HMGCLL1: variants seen among roughly 807,000 people sequenced by gnomAD.
HMGCLL1 encodes the protein 3-hydroxy-3-methylglutaryl-CoA lyase like 1, also known as 3-hydroxymethyl-3-methylglutaryl-CoA lyase, cytoplasmic.
In HMGCLL1, 36 loss-of-function variants were observed where a neutral mutation model predicts 39.1. The observed-to-expected ratio is 0.92, with a 90% confidence interval of 0.71 to 1.22. The LOEUF (loss-of-function observed/expected upper bound fraction) is 1.22, where lower values mean the gene tolerates loss of function less well. Among genes scored for constraint, HMGCLL1 ranks in the 50% most tolerant of loss-of-function variants. HMGCLL1 has a pLI of 0.00. For missense variants in HMGCLL1, 451 were observed against 416.5 expected (o/e 1.08, Z -0.72); for synonymous variants, 149 against 144.0 (o/e 1.03, Z -0.25).
At chr6:55,658,018 T>A in the HMGCLL1 span, among the ~76,000 whole-genome samples, 3 of 151,886 alleles carry the variant, frequency 2.0e-5, no homozygotes, top group South Asian at 6.2e-4. Context: ...GACACAAGTT[T>A]ACTTATTTAA....
At chr6:55,485,831 C>T (rs764619916) in intron 7 of HMGCLL1, among the ~76,000 whole-genome samples, 1 of 151,526 alleles carries the variant, frequency 6.6e-6, no homozygotes, top group Admixed American at 6.6e-5. Context: ...TTATATAAAC[C>T]TAGTGAGTGT....
intron 8 of HMGCLL1, among the ~76,000 whole-genome samples, chr6:55,437,796 T>C (rs1763431095): frequency 6.6e-6 from 1 of 151,992 alleles, no homozygotes; most frequent in Admixed American, 6.6e-5. Context: ...GCGACCAGTA[T>C]ATAGGATGAA....
At chr6:55,501,965 A>G (rs989579727) in intron 5 of HMGCLL1, among the ~76,000 whole-genome samples, 3 of 151,760 alleles carry the variant, frequency 2.0e-5, no homozygotes, top group Non-Finnish European at 1.5e-5. Flanking sequence ...ACCCGTTCCA[A>G]ATGATTTCTA....
the HMGCLL1 span, among the ~76,000 whole-genome samples, chr6:55,667,565 C>T: frequency 6.6e-6 from 1 of 151,758 alleles, no homozygotes; most frequent in Non-Finnish European, 1.5e-5. Context: ...CTGTACTCTA[C>T]ACATTAAGAC....
intron 7 of HMGCLL1, among the ~76,000 whole-genome samples, chr6:55,485,053 CTG>C (rs1765951748): frequency 6.6e-6 from 1 of 152,144 alleles, no homozygotes; most frequent in Non-Finnish European, 1.5e-5. Context: ...AGAATCTTGA[CTG>C]TAACTATTCC....
At chr6:55,676,619 C>A in the HMGCLL1 span, among the ~76,000 whole-genome samples, 51,365 of 151,992 alleles carry the variant, frequency 0.34, 9,057 homozygotes, top group African/African-American at 0.43. Context: ...CATAGCATCC[C>A]ATGCTGAGCA....
intron 8 of HMGCLL1, among the ~76,000 whole-genome samples, chr6:55,437,866 G>A (rs1763434157): frequency 6.6e-6 from 1 of 151,960 alleles, no homozygotes; most frequent in Non-Finnish European, 1.5e-5. Flanking sequence ...AGTAAGGGAA[G>A]GACAACCAAA....
chr6:55,517,255 A>C (rs1351946158), intron 3 of HMGCLL1, among the ~76,000 whole-genome samples: 2 of 151,996 alleles, frequency 1.3e-5, no homozygotes, highest in Non-Finnish European at 2.9e-5. Context: ...TCTCTAAAAA[A>C]CTCAACTTTG....
chr6:55,597,659 T>C, the HMGCLL1 span, among the ~76,000 whole-genome samples: 2 of 152,118 alleles, frequency 1.3e-5, no homozygotes, highest in Non-Finnish European at 2.9e-5. Flanking sequence ...AGAAAGGAAC[T>C]ACCAACAACA....
the HMGCLL1 span, among the ~76,000 whole-genome samples, chr6:55,641,279 A>G: frequency 6.6e-6 from 1 of 151,774 alleles, no homozygotes; most frequent in Non-Finnish European, 1.5e-5. Flanking sequence ...GTGTTGTATA[A>G]TTTCTTATAT....
rs1327651624 is a variant in HMGCLL1, at chr6:55,477,142, TAATATA to T, written c.795+18271_795+18276del. On this transcript the variant is annotated intron_variant, in intron 7 of 8. Coordinates refer to ENST00000274901, the MANE Select transcript of HMGCLL1 (RefSeq NM_001042406.2). ...ATATATCATATATATATAATAGATATAATATATATATTATATATTATAATATAATAT... is the reference window on the plus strand; with the variant it reads ...ATATATCATATATATATAATAGATATTATATTATATATTATAATATAATAT... Among the ~76,000 whole-genome samples, 263 of 72,798 alleles carry T rather than the reference TAATATA, an allele frequency of 3.6e-3. 21 individuals are homozygous for T. The highest frequency in any genetic ancestry group is 0.013 in the African/African-American group (248 of 18,818). 47.8% of individuals were successfully genotyped at this position (72,798 alleles called of 152,430 possible).
chr6:55,605,547 C>G, the HMGCLL1 span, among the ~76,000 whole-genome samples: 1 of 152,054 alleles, frequency 6.6e-6, no homozygotes, highest in African/African-American at 2.4e-5. Flanking sequence ...TCAAATGTGT[C>G]TGATATTTTT....
chr6:55,477,284 T>TA (rs1765424937), intron 7 of HMGCLL1, among the ~76,000 whole-genome samples: 1 of 16,870 alleles, frequency 5.9e-5, no homozygotes, highest in Non-Finnish European at 8.1e-5. Flanking sequence ...TATTATATAT[T>TA]ATATATAAAA....
At chr6:55,516,704 C>G in intron 3 of HMGCLL1, 101 bp from the exon 4 acceptor site, 1 of 621,446 alleles carries the variant, frequency 1.6e-6, no homozygotes, top group Non-Finnish European at 2.7e-6. Flanking sequence ...CAGTTAGAGT[C>G]TTTAAATTAA....
chr6:55,650,084 CATATACATATATATAT>C, the HMGCLL1 span, among the ~76,000 whole-genome samples: 2 of 48,070 alleles, frequency 4.2e-5, no homozygotes. Context: ...TATACACACA[CATATACATATATATAT>C]ATATATATAT....
At chr6:55,659,012 A>AGGCC in the HMGCLL1 span, among the ~76,000 whole-genome samples, 1 of 151,968 alleles carries the variant, frequency 6.6e-6, no homozygotes, top group Non-Finnish European at 1.5e-5. Context: ...ACAAATTAAG[A>AGGCC]GGCCAAGTTA....
the HMGCLL1 span, among the ~76,000 whole-genome samples, chr6:55,609,766 G>A: frequency 2.0e-5 from 3 of 152,104 alleles, no homozygotes; most frequent in Non-Finnish European, 2.9e-5. Flanking sequence ...TTATACAGGA[G>A]CATTCCTACT....
At chr6:55,605,804 T>C in the HMGCLL1 span, among the ~76,000 whole-genome samples, 2 of 152,138 alleles carry the variant, frequency 1.3e-5, no homozygotes, top group East Asian at 1.9e-4. Flanking sequence ...AACTCCTGAG[T>C]TAGAAATCCA....
chr6:55,638,305 G>A, the HMGCLL1 span, among the ~76,000 whole-genome samples: 1 of 151,778 alleles, frequency 6.6e-6, no homozygotes, highest in Non-Finnish European at 1.5e-5. Flanking sequence ...TACTAGGGAG[G>A]CTGAGGCAGG....
Sources: gnomAD v4.1 joint callset for allele counts (sites outside exome capture counted in the v4.1 genomes callset) on GRCh38, gnomAD v4.1.1 for gene constraint, MANE v1.5 for transcripts, NCBI Gene and HGNC (gene_info 2026-07-23, HGNC 2026-07-21) for gene names.